The following AATK variants were observed in gnomAD, a reference collection of about 807,000 sequenced individuals.
AATK encodes serine/threonine-protein kinase LMTK1.
A neutral mutation model predicts 114.3 loss-of-function variants in AATK; 91 were observed. The observed-to-expected ratio is 0.80, with a 90% CI of 0.67 to 0.95. AATK has a LOEUF of 0.95. Among genes scored for constraint, AATK ranks in the 40% least tolerant of loss-of-function variants. The pLI, the probability that AATK is intolerant of heterozygous loss-of-function variation, is 0.00. For synonymous variants in AATK, 1,075 were observed against 916.5 expected (o/e 1.17, Z -3.12); for missense variants, 2,176 against 1,965.2 (o/e 1.11, Z -2.03).
At chr17:81,135,713 C>A (rs984887974) in intron 1 of AATK, 1 of 152,242 alleles carries the variant, frequency 6.6e-6, no homozygotes, top group Non-Finnish European at 1.5e-5. Flanking sequence ...CTGGAGGTGG[C>A]GTGAGCTAGA....
intron 4 of AATK, among the ~76,000 whole-genome samples, chr17:81,128,130 G>A (rs2146315807): frequency 7.0e-6 from 1 of 141,970 alleles, no homozygotes; most frequent in East Asian, 2.0e-4. Flanking sequence ...CTCCCCACAA[G>A]GTCCCCCGCT....
At position 81,124,712 on chromosome 17, in the gene AATK, CA is replaced by C; in HGVS notation, c.962+14del. On this transcript the variant is annotated intron_variant, in intron 9 of 13. Transcript: ENST00000326724. ...CGGCCTCGGCCCCTCACGGTGCCAC[CA>C]GGGCCGCACTCACCACACATTCCCG... is the stretch of plus-strand genomic sequence containing the variant. 1.9e-6 allele frequency: 3 copies of C among 1,610,756 alleles called. No homozygotes were observed. Among genetic ancestry groups the C allele is most frequent in the Non-Finnish European group, 2.5e-6 (3 of 1,178,352 alleles).
At chr17:81,140,907 GGCCGTGGGGCCGTGGGACCGTGGGA>G (rs2061124234) in intron 1 of AATK, among the ~76,000 whole-genome samples, 1 of 109,670 alleles carries the variant, frequency 9.1e-6, no homozygotes, top group African/African-American at 3.4e-5. Context: ...TGAGCCGTGG[GGCCGTGGGGCCGTGGGACCGTGGGA>G]CCATGGGGCC....
chr17:81,151,972 C>T (rs892213293), intron 1 of AATK, among the ~76,000 whole-genome samples: 1 of 152,162 alleles, frequency 6.6e-6, no homozygotes, highest in Non-Finnish European at 1.5e-5. Context: ...GCCACGCTTG[C>T]CTTCAAAAAA....
intron 1 of AATK, among the ~76,000 whole-genome samples, chr17:81,163,623 C>A (rs1306418182): frequency 6.6e-6 from 1 of 152,242 alleles, no homozygotes; most frequent in Non-Finnish European, 1.5e-5. Context: ...GAGGAGGCGG[C>A]TCTTCCTGGC....
At chr17:81,145,512 C>T (rs868247005) in intron 1 of AATK, among the ~76,000 whole-genome samples, 11 of 151,740 alleles carry the variant, frequency 7.2e-5, no homozygotes, top group Admixed American at 1.3e-4. Context: ...GTGGGCAGAT[C>T]ACCTGAGGTC....
At position 81,122,038 on chromosome 17, in the gene AATK, GCGGCCACGC is replaced by G; in HGVS notation, c.1889_1897del (p.Gly630_Ala632del). On this transcript the variant is annotated inframe_deletion, in exon 11 of 14. Coordinates refer to ENST00000326724, the MANE Select transcript of AATK (RefSeq NM_001080395.3). ...GTCCTCGAAGAAGGCAGGACAGAAG[GCGGCCACGC>G]CCCAGTCTGCATCCTCCGCTCCTCC... is the stretch of plus-strand genomic sequence containing the variant. 1 of 1,598,842 alleles carries G rather than the reference GCGGCCACGC, an allele frequency of 6.3e-7. No homozygotes were observed. Among genetic ancestry groups the G allele is most frequent in the Non-Finnish European group, 8.5e-7 (1 of 1,178,928 alleles).
intron 1 of AATK, chr17:81,165,626 G>C: frequency 6.9e-7 from 1 of 1,454,790 alleles, no homozygotes; most frequent in South Asian, 1.2e-5. Flanking sequence ...CCCTTAGTCT[G>C]AGACCAACTC....
At position 81,118,454 on chromosome 17, in the gene AATK, G is replaced by C. The variant is rs200432643; in HGVS notation, c.4085-12C>G. 6.2e-7 allele frequency: 1 copy of C among 1,605,152 alleles called. No individual in the cohort carries two copies. The highest frequency in any genetic ancestry group is 2.2e-5 in the East Asian group (1 of 44,460). ...ACCAGCTTCAGGTCCTGGCAAGCAG[G>C]ACAACAAAGTGAACACAGGGTTCTG... On this transcript the variant is annotated splice_polypyrimidine_tract_variant and intron_variant, in intron 13 of 13. Transcript: ENST00000326724.
rs201972361 is a variant in AATK, at chr17:81,121,542, G to A, written c.2394C>T (p.Ser798=). 79 of 1,533,350 alleles carry A rather than the reference G, an allele frequency of 5.2e-5. 1 individual carries two copies. The East Asian group carries it at 1.0e-3, about 19-fold the overall frequency. The allele number at this position is 1,533,350 out of a possible 1,614,324, so 95.0% of individuals were successfully genotyped here. The change falls in exon 11 of 14, where the codon TCC becomes TCT. Residue 798 remains serine (S), a synonymous_variant. Transcript: ENST00000326724. Reference sequence around the variant, plus strand: ...CTCCCTCCTGGGATGGGGAGGGGACGGAAGGAAGGGGCAGGCGGGGTCCGG... The same window carrying A: ...CTCCCTCCTGGGATGGGGAGGGGACAGAAGGAAGGGGCAGGCGGGGTCCGG... The part of the protein sequence containing the change: ...GTTGPRLPLP[S]VPSPSQEGAP...
intron 1 of AATK, among the ~76,000 whole-genome samples, chr17:81,162,918 C>A (rs960527099): frequency 6.6e-6 from 1 of 152,318 alleles, no homozygotes; most frequent in African/African-American, 2.4e-5. Context: ...AACAGTGACA[C>A]CTCTGCGTCA....
chr17:81,140,981 CTG>C (rs2061128471), intron 1 of AATK, among the ~76,000 whole-genome samples: 1 of 137,462 alleles, frequency 7.3e-6, no homozygotes, highest in Non-Finnish European at 1.5e-5. Flanking sequence ...GCCGTGGGGA[CTG>C]TGAACTGTGG....
At chr17:81,165,609 C>G (rs1479026907) in intron 1 of AATK, 3 of 1,417,862 alleles carry the variant, frequency 2.1e-6, no homozygotes, top group East Asian at 6.4e-5. Flanking sequence ...CCCCACACCC[C>G]CAAGGGCCCT....
In AATK at chr17:81,121,808, TG is replaced by T; in HGVS notation, c.2127del (p.Ser710ValfsTer135). The T allele has an allele frequency of 6.3e-7, 1 of 1,583,388 alleles. No individual in the cohort carries two copies. The highest frequency in any genetic ancestry group is 8.5e-7 in the Non-Finnish European group (1 of 1,171,020). ...VSAGGHAEGCPSPKQTPRASP... is the reference protein window; with the variant it reads ...VSAGGHAEGCXSPKQTPRASP... ...GAGGCCCGTGGGGTCTGCTTTGGAC[TG>T]GGGCAGCCCTCAGCGTGGCCGCCCG... On this transcript the variant is annotated frameshift_variant, in exon 11 of 14. Coordinates refer to ENST00000326724, the MANE Select transcript of AATK (RefSeq NM_001080395.3). LOFTEE classifies it high-confidence loss of function.
chr17:81,150,691 G>A (rs904635634), intron 1 of AATK, among the ~76,000 whole-genome samples: 2 of 152,172 alleles, frequency 1.3e-5, no homozygotes, highest in Admixed American at 6.5e-5. Context: ...GGAAAGGTGC[G>A]GCACAAGGGG....
At position 81,121,418 on chromosome 17, in the gene AATK, G is replaced by A. The variant is rs1200893614; in HGVS notation, c.2518C>T (p.Leu840=). 4 of 1,606,696 alleles carry A rather than the reference G, an allele frequency of 2.5e-6. No homozygotes were observed. The highest frequency in any genetic ancestry group is 2.2e-5 in the East Asian group (1 of 44,674). ...ATGGEVSAIK[L]ASALNGSSSS... is the part of the protein sequence containing the mutation. The stretch of plus-strand genomic sequence containing the variant: ...CTGCTGCCATTCAGGGCAGAAGCCA[G>A]CTTGATGGCAGACACCTCGCCACCA... The change falls in exon 11 of 14, where the codon CTG becomes TTG. Residue 840 remains leucine (L), a synonymous_variant. Transcript: ENST00000326724.
chr17:81,120,358 G>A lies in AATK; in HGVS notation c.3578C>T (p.Ala1193Val), dbSNP rs903120968. The A allele has an allele frequency of 5.6e-6, 9 of 1,609,530 alleles. No homozygotes were observed. Among genetic ancestry groups the A allele is most frequent in the South Asian group, 2.2e-5 (2 of 90,914 alleles). ...GCTCTCAGCCACCACCACGGGCACC[G>A]CCGGCGCCTCCTCTTCGCTGTCCTC... ...PSEDSEEEAP[A>V]VPVVVAESQS... is the part of the protein sequence containing the mutation. Residue 1193 changes from alanine (A) to valine (V), a missense_variant, in exon 11 of 14, where the codon GCG becomes GTG. Ala to Val is a moderately conservative substitution (Grantham distance 64, BLOSUM62 0). Transcript: ENST00000326724.
Position 81,121,484 on chromosome 17 carries a change from CG to C in AATK, c.2451del (p.Asp818ThrfsTer27). ...APLPSEEASA[P>X]DAPDALPDSP... is the part of the protein sequence containing the mutation. ...GAGTCAGGCAGGGCATCAGGGGCGT[CG>C]GGGGCACTGGCCTCCTCCGAGGGAA... On this transcript the variant is annotated frameshift_variant, in exon 11 of 14. Transcript: ENST00000326724. LOFTEE classifies it high-confidence loss of function. 1 of 1,568,016 alleles carries C rather than the reference CG, an allele frequency of 6.4e-7. No homozygotes were observed.
intron 1 of AATK, among the ~76,000 whole-genome samples, chr17:81,139,829 A>G (rs918955623): frequency 6.6e-6 from 1 of 152,156 alleles, no homozygotes; most frequent in Non-Finnish European, 1.5e-5. Flanking sequence ...CAGTGGATAC[A>G]CCGTGACACC....
Sources: allele counts gnomAD v4.1 joint callset (sites outside exome capture counted in the v4.1 genomes callset), GRCh38; gene constraint gnomAD v4.1.1; transcripts MANE v1.5; gene names NCBI Gene and HGNC (gene_info 2026-07-23, HGNC 2026-07-21).